Variants in VCPIP1 observed in about 807,000 individuals in gnomAD.
The protein encoded by VCPIP1 is valosin containing protein interacting protein 1, also known as deubiquitinating protein VCPIP1.
In VCPIP1, 8 loss-of-function variants were observed where a neutral mutation model predicts 85.0. The observed-to-expected ratio is 0.09, with a 90% CI of 0.06 to 0.17. The LOEUF is 0.17. Ranked by LOEUF, VCPIP1 falls within the 10% of genes least tolerant of loss-of-function variation. The pLI, the probability that VCPIP1 is intolerant of heterozygous loss-of-function variation, is 1.00. For missense variants in VCPIP1, 1,070 were observed against 1,486.3 expected (o/e 0.72, Z 4.61); for synonymous variants, 543 against 544.5 (o/e 1.00, Z 0.04).
intron 1 of VCPIP1, chr8:66,653,599 A>G (rs1462065513): frequency 1.3e-5 from 2 of 152,214 alleles, no homozygotes; most frequent in African/African-American, 4.8e-5. Flanking sequence ...ACAAGAATGA[A>G]TAGGTGCCAA....
Position 66,632,336 on chromosome 8 carries a change from T to G in VCPIP1, c.*2165A>C, listed in dbSNP as rs1452297397. ...CTGATTTGAAAGAATTTCAAGAAAT[T>G]TGATCACTTATCAGAATTGAGCCTT... On this transcript the variant is annotated 3_prime_UTR_variant, in exon 3 of 3. Coordinates refer to ENST00000310421, the MANE Select transcript of VCPIP1 (RefSeq NM_025054.5). 1 of 152,122 alleles carries G rather than the reference T, an allele frequency of 6.6e-6. No homozygotes were observed. Among genetic ancestry groups the G allele is most frequent in the Non-Finnish European group, 1.5e-5 (1 of 67,952 alleles). 9.4% of individuals were successfully genotyped at this position (152,122 alleles called of 1,614,324 possible).
At chr8:66,655,562 C>G (rs1811091674) in intron 1 of VCPIP1, among the ~76,000 whole-genome samples, 1 of 152,096 alleles carries the variant, frequency 6.6e-6, no homozygotes, top group African/African-American at 2.4e-5. Context: ...CCAGAATAAA[C>G]TTAATCGAAG....
chr8:66,638,985 T>TATATATATATAC (rs1302544149), intron 2 of VCPIP1, among the ~76,000 whole-genome samples: 4 of 148,942 alleles, frequency 2.7e-5, no homozygotes, highest in African/African-American at 1.0e-4. Context: ...TATATATATA[T>TATATATATATAC]ACATATATTT....
Position 66,666,197 on chromosome 8 carries a change from T to G in VCPIP1, c.762A>C (p.Gln254His). 6.2e-7 allele frequency: 1 copy of G among 1,614,016 alleles called. No homozygotes were observed. Among genetic ancestry groups the G allele is most frequent in the Non-Finnish European group, 8.5e-7 (1 of 1,179,962 alleles). ...CATCAATGAAGTCATGGAACAGAGCTTGATATCGGGCCAGGTGCTGCTGAA... is the reference window on the plus strand; with the variant it reads ...CATCAATGAAGTCATGGAACAGAGCGTGATATCGGGCCAGGTGCTGCTGAA... ...QHFQQHLARY[Q>H]ALFHDFIDAA... Residue 254 changes from glutamine to histidine, a missense_variant, in exon 1 of 3, where the codon CAA (glutamine) becomes CAC (histidine). Around this residue, in one of 8 missense-constraint regions of VCPIP1, gnomAD observed 118 missense variants for 337.1 expected, o/e 0.35. Coordinates refer to ENST00000310421, the MANE Select transcript of VCPIP1 (RefSeq NM_025054.5). The surrounding 1 kb of genome is among the most constrained non-coding windows in gnomAD (Gnocchi z 6.3).
chr8:66,666,972 C>A lies in VCPIP1; in HGVS notation c.-14G>T. ...CGGCTGAGACATAGCTCCTGGCTCT[C>A]GTGTCTCGCTCCGCGTCCCAGGCGA... On this transcript the variant is annotated 5_prime_UTR_variant, in exon 1 of 3. Transcript: ENST00000310421. The surrounding 1 kb of genome is among the most constrained non-coding windows in gnomAD (Gnocchi z 6.3). 1 of 1,528,744 alleles carries A rather than the reference C, an allele frequency of 6.5e-7. No homozygotes were observed. 94.7% of individuals were successfully genotyped at this position (1,528,744 alleles called of 1,614,324 possible).
intron 1 of VCPIP1, among the ~76,000 whole-genome samples, chr8:66,658,207 G>A (rs1811118491): frequency 6.6e-6 from 1 of 151,716 alleles, no homozygotes; most frequent in Non-Finnish European, 1.5e-5. Flanking sequence ...TGTGGCAGGC[G>A]CCTGTAATTC....
chr8:66,654,766 C>T (rs1586627566), intron 1 of VCPIP1, among the ~76,000 whole-genome samples: 1 of 152,286 alleles, frequency 6.6e-6, no homozygotes, highest in East Asian at 1.9e-4. Context: ...GGATTACTGC[C>T]ACTTCCTCAC....
chr8:66,654,912 G>C (rs1228944601), intron 1 of VCPIP1, among the ~76,000 whole-genome samples: 3 of 152,190 alleles, frequency 2.0e-5, no homozygotes, highest in African/African-American at 7.2e-5. Flanking sequence ...CACTCTAAGA[G>C]TTGGACCTTG....
Position 66,651,446 on chromosome 8 carries a change from A to T in VCPIP1, c.2797+12T>A, listed in dbSNP as rs370490517. 1.3e-5 allele frequency: 21 copies of T among 1,583,982 alleles called. No homozygotes were observed. The African/African-American group carries it at 2.6e-4, about 19-fold the overall frequency. On this transcript the variant is annotated intron_variant, in intron 2 of 2. Transcript: ENST00000310421. ...GAGCTATTATTTAAGAATAAAATCA[A>T]ATTAACTATACCCATGGTTTTCTTC...
chr8:66,653,197 T>A (rs1382620126), intron 1 of VCPIP1, among the ~76,000 whole-genome samples: 1 of 151,472 alleles, frequency 6.6e-6, no homozygotes, highest in African/African-American at 2.4e-5. Context: ...ATAGCTATAT[T>A]TAAGGATGGA....
intron 1 of VCPIP1, 134 bp downstream of exon 1, chr8:66,664,115 A>T: frequency 2.5e-6 from 3 of 1,193,478 alleles, no homozygotes; most frequent in Non-Finnish European, 1.1e-6. Context: ...AAAATACTAA[A>T]AATAATTCTC....
At chr8:66,647,852 C>G (rs923143552) in intron 2 of VCPIP1, among the ~76,000 whole-genome samples, 5 of 152,074 alleles carry the variant, frequency 3.3e-5, no homozygotes, top group African/African-American at 1.2e-4. Flanking sequence ...AAATATAAAA[C>G]CTAAAACTAT....
chr8:66,660,253 C>A (rs1811142408), intron 1 of VCPIP1, among the ~76,000 whole-genome samples: 2 of 152,088 alleles, frequency 1.3e-5, no homozygotes, highest in Admixed American at 1.3e-4. Context: ...TGTGCCAGGC[C>A]CTGAACTAGG....
chr8:66,665,015 G>A lies in VCPIP1; in HGVS notation c.1944C>T (p.Val648=). 1.9e-6 allele frequency: 3 copies of A among 1,613,756 alleles called. No individual in the cohort carries two copies. The highest frequency in any genetic ancestry group is 1.3e-5 in the African/African-American group (1 of 75,020). ...FGSEILVQKV[V]HTILHQTAKK... is the part of the protein sequence containing the mutation. ...TGGCAGTCTGATGCAATATAGTGTG[G>A]ACAACTTTCTGAACTAGGATTTCAC... Residue 648 remains valine, a synonymous_variant, in exon 1 of 3, where the codon GTC becomes GTT. Coordinates refer to ENST00000310421, the MANE Select transcript of VCPIP1 (RefSeq NM_025054.5). The surrounding 1 kb of genome is among the most constrained non-coding windows in gnomAD (Gnocchi z 4.3).
rs1005771104 is a variant in VCPIP1 at position 66,630,989 on chromosome 8, A to G, written c.*3512T>C. 6.6e-6 allele frequency: 1 copy of G among 152,324 alleles called. No homozygotes were observed. The highest frequency in any genetic ancestry group is 1.5e-5 in the Non-Finnish European group (1 of 68,004). The allele number at this position is 152,324 out of a possible 1,614,324, so 9.4% of individuals were successfully genotyped here. A position where few individuals can be genotyped will look rare whatever the true frequency, so the allele number is the denominator to read the frequency against. ...TAAGGTTGTACAATTTTGTTAAATT[A>G]TATGATAACCTTGAATGGTAGGATG... is the stretch of plus-strand genomic sequence containing the variant. On this transcript the variant is annotated 3_prime_UTR_variant, in exon 3 of 3. Transcript: ENST00000310421.
At chr8:66,636,236 CAAAAAAAAAAAAA>C (rs1180259925) in intron 2 of VCPIP1, among the ~76,000 whole-genome samples, 1 of 41,516 alleles carries the variant, frequency 2.4e-5, no homozygotes, top group Non-Finnish European at 5.0e-5. Flanking sequence ...GACTCCATCT[CAAAAAAAAAAAAA>C]AAAAAAAAAA....
chr8:66,650,043 T>C (rs1028525539), intron 2 of VCPIP1, among the ~76,000 whole-genome samples: 1 of 150,120 alleles, frequency 6.7e-6, no homozygotes, highest in Non-Finnish European at 1.5e-5. Context: ...GTTCTTTTTT[T>C]AGGTTGTAAT....
intron 2 of VCPIP1, among the ~76,000 whole-genome samples, chr8:66,636,850 G>A (rs930433911): frequency 4.6e-5 from 7 of 150,972 alleles, no homozygotes; most frequent in East Asian, 1.9e-4. Context: ...GTGAGACTCC[G>A]TCTCAAAAAA....
At chr8:66,657,952 A>G (rs1386649113) in intron 1 of VCPIP1, among the ~76,000 whole-genome samples, 1 of 152,170 alleles carries the variant, frequency 6.6e-6, no homozygotes, top group Non-Finnish European at 1.5e-5. Flanking sequence ...ACACCTATGC[A>G]TTATTTTTTA....
Sources: gnomAD v4.1 joint callset for allele counts (sites outside exome capture counted in the v4.1 genomes callset) on GRCh38, gnomAD v4.1.1 for gene constraint, gnomAD v4.1.1 regional missense constraint, Gnocchi (gnomAD v3.1) non-coding constraint, MANE v1.5 for transcripts, NCBI Gene and HGNC (gene_info 2026-07-23, HGNC 2026-07-21) for gene names.